Variants in USH2A observed in about 807,000 individuals in gnomAD.
USH2A encodes Usher syndrome 2A (autosomal recessive, mild).
In USH2A, 443 loss-of-function variants were observed where a neutral mutation model predicts 538.9. That is an observed-to-expected ratio of 0.82 (90% CI 0.76 to 0.89). The LOEUF is 0.89. USH2A is among the 40% of genes least tolerant of loss of function. The pLI is 0.00. For missense variants in USH2A, 6,633 were observed against 6,324.8 expected (o/e 1.05, Z -1.65); for synonymous variants, 2,413 against 2,273.5 (o/e 1.06, Z -1.75).
At chr1:216,362,385 A>C (rs1391829078) in intron 4 of USH2A, among the ~76,000 whole-genome samples, 1 of 152,140 alleles carries the variant, frequency 6.6e-6, no homozygotes, top group Non-Finnish European at 1.5e-5. Flanking sequence ...AGCATTCAAC[A>C]ATATTTTTCA....
chr1:215,783,036 T>G, intron 52 of USH2A, 101 bp from the exon 53 acceptor site: 1 of 1,083,870 alleles, frequency 9.2e-7, no homozygotes, highest in Non-Finnish European at 1.3e-6. Context: ...TAAAAATAAA[T>G]GTTTAATGCT....
At chr1:216,255,162 G>T (rs2036236601) in intron 11 of USH2A, among the ~76,000 whole-genome samples, 1 of 152,114 alleles carries the variant, frequency 6.6e-6, no homozygotes, top group South Asian at 2.1e-4. Flanking sequence ...ATAAATTTGG[G>T]TCTTGCCTGA....
intron 21 of USH2A, among the ~76,000 whole-genome samples, chr1:216,163,989 A>C (rs998290845): frequency 4.6e-5 from 7 of 152,074 alleles, no homozygotes; most frequent in Non-Finnish European, 1.0e-4. Flanking sequence ...TTTTCTCAGC[A>C]GGAGGATTTT....
intron 38 of USH2A, among the ~76,000 whole-genome samples, chr1:215,903,626 C>T (rs557467936): frequency 1.3e-5 from 2 of 152,182 alleles, no homozygotes; most frequent in South Asian, 4.1e-4. Flanking sequence ...AGGGATAGTT[C>T]TCCCATTGTG....
chr1:215,849,416 G>A (rs560397441), intron 44 of USH2A, among the ~76,000 whole-genome samples: 3 of 152,218 alleles, frequency 2.0e-5, no homozygotes, highest in South Asian at 2.1e-4. Flanking sequence ...GAATTAAAAC[G>A]TACGTTGAAA....
chr1:216,122,891 C>T (rs930231376), intron 21 of USH2A, among the ~76,000 whole-genome samples: 1 of 152,112 alleles, frequency 6.6e-6, no homozygotes, highest in East Asian at 1.9e-4. Context: ...TTATCAAGGT[C>T]AGATGTACTA....
chr1:216,118,664 T>C (rs1439405556), intron 21 of USH2A, among the ~76,000 whole-genome samples: 1 of 152,200 alleles, frequency 6.6e-6, no homozygotes, highest in Non-Finnish European at 1.5e-5. Flanking sequence ...CTGGTTTCTG[T>C]TTTTTATCTT....
intron 24 of USH2A, 142 bp downstream of exon 24, chr1:216,086,577 G>C (rs1408027704): frequency 6.1e-6 from 4 of 657,824 alleles, no homozygotes; most frequent in Non-Finnish European, 5.4e-6. Context: ...AAAAAAAAGA[G>C]ACCTAAAGGA....
At chr1:216,189,599 G>T (rs1283335463) in intron 20 of USH2A, among the ~76,000 whole-genome samples, 3 of 151,916 alleles carry the variant, frequency 2.0e-5, no homozygotes, top group Non-Finnish European at 2.9e-5. Flanking sequence ...TTTCTACTCA[G>T]ATTATACTTA....
chr1:216,331,127 G>A (rs1222451401), intron 4 of USH2A, among the ~76,000 whole-genome samples: 1 of 151,908 alleles, frequency 6.6e-6, no homozygotes, highest in Non-Finnish European at 1.5e-5. Context: ...TAAAGACCTA[G>A]AGTTAATGTG....
chr1:216,373,493 A>T (rs115645478), intron 3 of USH2A, among the ~76,000 whole-genome samples: 1,684 of 152,240 alleles, frequency 0.011, 6 homozygotes, highest in Non-Finnish European at 0.017. Context: ...AACTATCTCA[A>T]CGTTACAGGA....
At chr1:216,346,480 C>A (rs1288574531) in intron 4 of USH2A, among the ~76,000 whole-genome samples, 2 of 152,020 alleles carry the variant, frequency 1.3e-5, no homozygotes, top group Non-Finnish European at 2.9e-5. Flanking sequence ...TAGGAAAGAG[C>A]TTTGGTATGC....
At chr1:215,755,731 T>C (rs1439105660) in intron 58 of USH2A, among the ~76,000 whole-genome samples, 2 of 152,210 alleles carry the variant, frequency 1.3e-5, no homozygotes, top group Non-Finnish European at 2.9e-5. Flanking sequence ...GTGTAAAGCA[T>C]TCTACAATAT....
chr1:215,932,245 C>T (rs1031775396), intron 38 of USH2A, among the ~76,000 whole-genome samples: 1 of 151,858 alleles, frequency 6.6e-6, no homozygotes, highest in East Asian at 1.9e-4. Flanking sequence ...GCATATAGAA[C>T]CTTCTCTGCC....
chr1:216,188,979 T>G (rs1314454228), intron 20 of USH2A, among the ~76,000 whole-genome samples: 2 of 151,882 alleles, frequency 1.3e-5, no homozygotes, highest in African/African-American at 4.8e-5. Flanking sequence ...GGAGATAGAG[T>G]CCTCCTCTGC....
At chr1:216,100,215 G>T (rs918230559) in intron 21 of USH2A, among the ~76,000 whole-genome samples, 2 of 152,146 alleles carry the variant, frequency 1.3e-5, no homozygotes, top group Non-Finnish European at 2.9e-5. Flanking sequence ...ACAGACTCTT[G>T]ACTGCTGGGT....
At chr1:216,169,487 G>A (rs888312984) in intron 21 of USH2A, among the ~76,000 whole-genome samples, 2 of 152,088 alleles carry the variant, frequency 1.3e-5, no homozygotes, top group African/African-American at 4.8e-5. Context: ...TGCCATCAAT[G>A]CCACCTGAAG....
chr1:215,762,452 T>C (rs1249669632), intron 56 of USH2A, among the ~76,000 whole-genome samples: 1 of 152,154 alleles, frequency 6.6e-6, no homozygotes, highest in Non-Finnish European at 1.5e-5. Flanking sequence ...TTTCAACCTT[T>C]AGGTAAAAGT....
At chr1:216,361,263 T>C (rs1051682169) in intron 4 of USH2A, among the ~76,000 whole-genome samples, 5 of 152,066 alleles carry the variant, frequency 3.3e-5, no homozygotes, top group African/African-American at 9.7e-5. Flanking sequence ...CTATTCCAGA[T>C]AGAACATAGA....
Sources: gnomAD v4.1 joint callset for allele counts (sites outside exome capture counted in the v4.1 genomes callset) on GRCh38, gnomAD v4.1.1 for gene constraint, MANE v1.5 for transcripts, NCBI Gene and HGNC (gene_info 2026-07-23, HGNC 2026-07-21) for gene names.